Variants in TCF20 observed in about 807,000 individuals in gnomAD.
TCF20 encodes SPRE-binding protein.
In TCF20, 3 loss-of-function variants were observed where a neutral mutation model predicts 148.6. The ratio of observed to expected loss-of-function variants is 0.02; its 90% CI spans 0.01 to 0.05. The LOEUF is 0.05. Ranked by LOEUF, TCF20 falls within the 10% of genes least tolerant of loss-of-function variation. The probability of loss-of-function intolerance (pLI) is 1.00; values close to 1 mark genes in which losing one functional copy is unlikely to be tolerated. For synonymous variants in TCF20, 1,049 were observed against 909.5 expected (o/e 1.15, Z -2.76); for missense variants, 2,350 against 2,429.3 (o/e 0.97, Z 0.69).
intron 3 of TCF20, among the ~76,000 whole-genome samples, chr22:42,176,454 G>C (rs1936459796): frequency 6.6e-6 from 1 of 152,160 alleles, no homozygotes; most frequent in African/African-American, 2.4e-5. Context: ...CCTCACGCCT[G>C]TTCCCATCAT....
chr22:42,205,208 A>C (rs2147178246), intron 2 of TCF20, among the ~76,000 whole-genome samples: 1 of 152,144 alleles, frequency 6.6e-6, no homozygotes, highest in South Asian at 2.1e-4. Context: ...ATACCAAGGC[A>C]AACAGTGGTC....
chr22:42,264,002 T>G (rs1209449582), intron 1 of TCF20, among the ~76,000 whole-genome samples: 2 of 152,124 alleles, frequency 1.3e-5, no homozygotes, highest in African/African-American at 4.8e-5. Flanking sequence ...TTAGGTGTCT[T>G]CCAGCTCTAA....
chr22:42,296,007 A>C (rs541324503), intron 1 of TCF20, among the ~76,000 whole-genome samples: 1 of 152,146 alleles, frequency 6.6e-6, no homozygotes. Flanking sequence ...TGGGGTTCCA[A>C]TCTTGCCTTC....
intron 1 of TCF20, among the ~76,000 whole-genome samples, chr22:42,262,699 A>C (rs1284645055): frequency 6.6e-6 from 1 of 152,082 alleles, no homozygotes; most frequent in Non-Finnish European, 1.5e-5. Flanking sequence ...AAGAGGACAA[A>C]CAACCAGAGG....
intron 1 of TCF20, among the ~76,000 whole-genome samples, chr22:42,243,021 A>G (rs1402783181): frequency 6.6e-6 from 1 of 152,124 alleles, no homozygotes; most frequent in African/African-American, 2.4e-5. Context: ...AGGAAGATCA[A>G]TGATTACCAA....
upstream of TCF20, among the ~76,000 whole-genome samples, chr22:42,284,263 A>G (rs1254918814): frequency 2.0e-5 from 3 of 152,220 alleles, no homozygotes; most frequent in Non-Finnish European, 1.5e-5. Flanking sequence ...AGGGGCGATT[A>G]TGTGTCTATT....
intron 1 of TCF20, among the ~76,000 whole-genome samples, chr22:42,249,052 G>C (rs1925148899): frequency 1.3e-5 from 2 of 152,152 alleles, no homozygotes; most frequent in African/African-American, 2.4e-5. Flanking sequence ...AGGAGCCCAG[G>C]GAGTACACAG....
chr22:42,175,155 G>A (rs1033573861), intron 3 of TCF20, among the ~76,000 whole-genome samples: 1 of 152,108 alleles, frequency 6.6e-6, no homozygotes, highest in Non-Finnish European at 1.5e-5. Context: ...TGTAACTAGA[G>A]GTAATGAAAA....
chr22:42,203,813 T>C (rs1309638042), intron 2 of TCF20, among the ~76,000 whole-genome samples: 2 of 151,852 alleles, frequency 1.3e-5, no homozygotes, highest in Admixed American at 6.6e-5. Flanking sequence ...AGGGCAGTTG[T>C]AGCAAGCACA....
chr22:42,295,116 G>A (rs914377224), intron 1 of TCF20, among the ~76,000 whole-genome samples: 1 of 152,178 alleles, frequency 6.6e-6, no homozygotes, highest in African/African-American at 2.4e-5. Flanking sequence ...GGGGGGCAGG[G>A]CACAGGAGGA....
chr22:42,230,113 C>T (rs1015299048), intron 1 of TCF20, among the ~76,000 whole-genome samples: 2 of 152,220 alleles, frequency 1.3e-5, no homozygotes, highest in South Asian at 4.1e-4. Flanking sequence ...GACTTGTCTT[C>T]CAGGTGTACC....
At chr22:42,195,153 T>G (rs2147141639) in intron 2 of TCF20, among the ~76,000 whole-genome samples, 1 of 149,286 alleles carries the variant, frequency 6.7e-6, no homozygotes, top group South Asian at 2.2e-4. Flanking sequence ...TTGGTGGTGA[T>G]TCAGGAGTTG....
intron 1 of TCF20, among the ~76,000 whole-genome samples, chr22:42,330,126 C>A (rs1244041091): frequency 3.9e-5 from 6 of 152,206 alleles, no homozygotes; most frequent in Admixed American, 3.3e-4. Flanking sequence ...AGCAGACAAC[C>A]CCTGGCCAGG....
At chr22:42,312,418 G>A (rs1453648822) in intron 1 of TCF20, among the ~76,000 whole-genome samples, 1 of 152,182 alleles carries the variant, frequency 6.6e-6, no homozygotes, top group East Asian at 1.9e-4. Context: ...TATTGAGGGG[G>A]TCTGATGGAG....
chr22:42,265,614 A>C (rs1926243459), intron 1 of TCF20, among the ~76,000 whole-genome samples: 1 of 152,240 alleles, frequency 6.6e-6, no homozygotes, highest in Non-Finnish European at 1.5e-5. Flanking sequence ...ACAAAAAGAA[A>C]ATGAAGACAG....
intron 1 of TCF20, among the ~76,000 whole-genome samples, chr22:42,252,019 C>T (rs759887245): frequency 2.0e-5 from 3 of 151,260 alleles, no homozygotes; most frequent in Non-Finnish European, 4.4e-5. Flanking sequence ...GCCTGGCCAA[C>T]GTGGCAAAAC....
chr22:42,255,366 G>A (rs1569189246), intron 1 of TCF20, among the ~76,000 whole-genome samples: 1 of 152,114 alleles, frequency 6.6e-6, no homozygotes, highest in South Asian at 2.1e-4. Flanking sequence ...GTGCGTGCCT[G>A]TAGTCCCAGC....
At chr22:42,257,320 G>C (rs1204029748) in intron 1 of TCF20, among the ~76,000 whole-genome samples, 1 of 152,044 alleles carries the variant, frequency 6.6e-6, no homozygotes, top group Admixed American at 6.6e-5. Context: ...ATTCTTTACT[G>C]ATTTTAGTTA....
intron 1 of TCF20, among the ~76,000 whole-genome samples, chr22:42,242,224 A>AAAAAAAAAAAAC (rs1555942548): frequency 2.0e-5 from 3 of 147,582 alleles, no homozygotes; most frequent in African/African-American, 7.9e-5. Context: ...AAAAAAAAAA[A>AAAAAAAAAAAAC]AAACAGAAAA....
Sources: allele counts gnomAD v4.1 joint callset (sites outside exome capture counted in the v4.1 genomes callset), GRCh38; gene constraint gnomAD v4.1.1; transcripts MANE v1.5; gene names NCBI Gene and HGNC (gene_info 2026-07-23, HGNC 2026-07-21).